The following LRP2 variants were observed in gnomAD, a reference collection of about 807,000 sequenced individuals.
The protein encoded by LRP2 is LDL receptor related protein 2.
Under a neutral mutation model 531.0 loss-of-function variants are expected in LRP2, and 172 were observed. The ratio of observed to expected loss-of-function variants is 0.32; its 90% CI spans 0.29 to 0.37. The LOEUF is 0.37. Among genes scored for constraint, LRP2 ranks in the 10% least tolerant of loss-of-function variants. The pLI is 1.00. For missense variants in LRP2, 5,167 were observed against 5,868.3 expected (o/e 0.88, Z 3.90); for synonymous variants, 1,992 against 2,027.6 (o/e 0.98, Z 0.47).
At chr2:169,244,336 T>C (rs1439806396) in intron 22 of LRP2, among the ~76,000 whole-genome samples, 1 of 152,244 alleles carries the variant, frequency 6.6e-6, no homozygotes, top group African/African-American at 2.4e-5. Flanking sequence ...GAAACATCAA[T>C]AGCCAAAGGT....
chr2:169,201,986 C>T (rs889466050), intron 43 of LRP2, 116 bp from the exon 44 acceptor site: 21 of 1,360,010 alleles, frequency 1.5e-5, no homozygotes, highest in Admixed American at 7.6e-5. Context: ...AGGCAAAAAA[C>T]GCTGCAAAAT....
At chr2:169,203,746 G>A (rs550683860) in intron 42 of LRP2, among the ~76,000 whole-genome samples, 50 of 152,328 alleles carry the variant, frequency 3.3e-4, no homozygotes, top group Non-Finnish European at 4.7e-4. Flanking sequence ...GACAGAGTGA[G>A]ACTCCGTCTC....
chr2:169,259,313 G>T, intron 16 of LRP2, 96 bp from the exon 17 acceptor site: 10 of 650,548 alleles, frequency 1.5e-5, no homozygotes, highest in East Asian at 3.4e-5. Context: ...GTCAGAGTTA[G>T]AGCATATTTC....
At chr2:169,316,059 T>C (rs565603044) in intron 3 of LRP2, among the ~76,000 whole-genome samples, 10 of 151,440 alleles carry the variant, frequency 6.6e-5, no homozygotes, top group African/African-American at 2.2e-4. Flanking sequence ...GGAGGACCAT[T>C]TGAGCCCAGG....
At chr2:169,261,573 T>C (rs995816914) in intron 16 of LRP2, among the ~76,000 whole-genome samples, 1 of 149,296 alleles carries the variant, frequency 6.7e-6, no homozygotes, top group Admixed American at 6.7e-5. Context: ...GCATACAGAG[T>C]TTAACCACTG....
intron 1 of LRP2, among the ~76,000 whole-genome samples, chr2:169,323,164 T>C (rs1033524495): frequency 3.3e-5 from 5 of 152,224 alleles, no homozygotes; most frequent in Non-Finnish European, 7.3e-5. Context: ...GGTAGTGATT[T>C]TCACACTTGA....
At chr2:169,239,427 A>C (rs1689724381) in intron 26 of LRP2, 100 bp downstream of exon 26, 1 of 1,602,040 alleles carries the variant, frequency 6.2e-7, no homozygotes, top group Non-Finnish European at 8.5e-7. Flanking sequence ...ATTCAAGTCG[A>C]TCTAACTCCT....
Position 169,149,220 on chromosome 2 carries a change from G to T in LRP2, c.12590+1678C>A, listed in dbSNP as rs536844451. On this transcript the variant is annotated intron_variant, in intron 68 of 78. Coordinates refer to ENST00000649046, the MANE Select transcript of LRP2 (RefSeq NM_004525.3). ...ATGTAGGACACTTAGCAGAGTAGCT[G>T]GCACACAGCAAGAATAGAATAAATG... Among the ~76,000 whole-genome samples, 37 of 152,314 alleles carry T rather than the reference G, an allele frequency of 2.4e-4. 1 individual carries two copies. The highest frequency in any genetic ancestry group is 3.4e-3 in the Middle Eastern group (1 of 294).
chr2:169,151,384 G>A (rs1438231159), intron 67 of LRP2, among the ~76,000 whole-genome samples: 4 of 152,144 alleles, frequency 2.6e-5, no homozygotes, highest in Non-Finnish European at 4.4e-5. Flanking sequence ...TCGTCCCCAA[G>A]ATAACTACCA....
At chr2:169,152,189 G>A (rs1415204074) in intron 67 of LRP2, among the ~76,000 whole-genome samples, 2 of 152,148 alleles carry the variant, frequency 1.3e-5, no homozygotes, top group African/African-American at 4.8e-5. Context: ...CATCCAAAAT[G>A]TGTGGCTCTG....
At chr2:169,247,234 C>T in intron 20 of LRP2, 144 bp downstream of exon 20, 1 of 976,036 alleles carries the variant, frequency 1.0e-6, no homozygotes, top group Non-Finnish European at 1.5e-6. Context: ...AAGTCTTACA[C>T]TCTTAGATTA....
At chr2:169,143,471 T>A (rs1429654312) in intron 70 of LRP2, among the ~76,000 whole-genome samples, 1 of 151,518 alleles carries the variant, frequency 6.6e-6, no homozygotes, top group African/African-American at 2.4e-5. Context: ...TGAAACCTCG[T>A]CTCTACTAAA....
chr2:169,297,267 C>T (rs1443219663), intron 4 of LRP2, among the ~76,000 whole-genome samples: 1 of 152,206 alleles, frequency 6.6e-6, no homozygotes, highest in African/African-American at 2.4e-5. Flanking sequence ...ATCCTTTGAG[C>T]TTCCAACTGG....
intron 44 of LRP2, among the ~76,000 whole-genome samples, chr2:169,199,840 T>C (rs1038944046): frequency 2.0e-5 from 3 of 152,166 alleles, no homozygotes; most frequent in African/African-American, 7.2e-5. Flanking sequence ...AATTACTATA[T>C]AATAAAACAA....
rs542779185 is a variant in LRP2, at chr2:169,308,673, C to CA, written c.311-1277dup. 5.9e-5 allele frequency among the ~76,000 whole-genome samples: 9 copies of CA among 152,204 alleles called. No individual in the cohort carries two copies. The East Asian group carries it at 1.4e-3, about 23-fold the overall frequency. ...GTCTTTGCTATTGTGAATAGTGCCA[C>CA]AAAAAACATATGTGTGCATGTGTCT... On this transcript the variant is annotated intron_variant, in intron 3 of 78. Coordinates refer to ENST00000649046, the MANE Select transcript of LRP2 (RefSeq NM_004525.3).
intron 48 of LRP2, among the ~76,000 whole-genome samples, chr2:169,190,613 T>C (rs917851361): frequency 5.9e-5 from 9 of 152,228 alleles, no homozygotes; most frequent in African/African-American, 2.2e-4. Flanking sequence ...TCTTTCCCAC[T>C]GTCTTCCTTC....
In LRP2 at chr2:169,182,251, C is replaced by T. The variant is rs3213760; in HGVS notation, c.9914G>A (p.Arg3305His). Residue 3305 changes from arginine (R) to histidine (H), a missense_variant, in exon 51 of 79, where the codon CGC becomes CAC. Coordinates refer to ENST00000649046, the MANE Select transcript of LRP2 (RefSeq NM_004525.3). ...ATCCACACAGTGCTGGGCCAGCATG[C>T]GGCGGTGTCCACCATTGAGGTCAGA... ...FVSDLNGGHR[R>H]MLAQHCVDAN... The T allele has an allele frequency of 1.4e-3, 2,180 of 1,614,090 alleles. 16 individuals carry two copies. In the Admixed American group the frequency reaches 0.02, roughly 15 times the overall value.
chr2:169,152,133 C>T (rs924934942), intron 67 of LRP2, among the ~76,000 whole-genome samples: 2 of 152,186 alleles, frequency 1.3e-5, no homozygotes, highest in South Asian at 2.1e-4. Flanking sequence ...ATTTGTACCT[C>T]ACACACCTAC....
intron 29 of LRP2, among the ~76,000 whole-genome samples, chr2:169,234,305 C>A (rs973114183): frequency 4.6e-5 from 7 of 152,134 alleles, no homozygotes; most frequent in East Asian, 1.9e-4. Context: ...CTTGCCCCCA[C>A]CCACTGACAG....
Sources: allele counts gnomAD v4.1 joint callset (sites outside exome capture counted in the v4.1 genomes callset), GRCh38; gene constraint gnomAD v4.1.1; transcripts MANE v1.5; gene names NCBI Gene and HGNC (gene_info 2026-07-23, HGNC 2026-07-21).